The following NRG3 variants were observed in gnomAD, a reference collection of about 807,000 sequenced individuals.
The protein encoded by NRG3 is neuregulin 3.
A neutral mutation model predicts 66.9 loss-of-function variants in NRG3; 31 were observed. That is an observed-to-expected ratio of 0.46 (90% CI 0.35 to 0.63). The LOEUF (loss-of-function observed/expected upper bound fraction) is 0.63. NRG3 is among the 20% of genes least tolerant of loss of function. The pLI is 0.00. For missense variants in NRG3, 910 were observed against 878.9 expected (o/e 1.04, Z -0.45); for synonymous variants, 393 against 359.4 (o/e 1.09, Z -1.06).
chr10:82,481,772 G>A (rs1202409023), intron 2 of NRG3, among the ~76,000 whole-genome samples: 2 of 152,088 alleles, frequency 1.3e-5, no homozygotes, highest in African/African-American at 4.8e-5. Context: ...ATCACTTGAG[G>A]TCAGGAGTTC....
At chr10:81,968,710 C>G (rs2059819968) in intron 1 of NRG3, among the ~76,000 whole-genome samples, 1 of 152,170 alleles carries the variant, frequency 6.6e-6, no homozygotes, top group African/African-American at 2.4e-5. Flanking sequence ...ACTCTTACCT[C>G]AGGCCACAGA....
chr10:82,362,549 T>TTTTTTTTTTTG, intron 2 of NRG3, among the ~76,000 whole-genome samples: 1 of 11,986 alleles, frequency 8.3e-5, no homozygotes, highest in African/African-American at 3.0e-4. Context: ...AATTTCTGGG[T>TTTTTTTTTTTG]TTTTTTTTTT....
intron 4 of NRG3, among the ~76,000 whole-genome samples, chr10:82,916,188 A>G (rs1845814859): frequency 6.6e-6 from 1 of 152,186 alleles, no homozygotes; most frequent in Non-Finnish European, 1.5e-5. Flanking sequence ...ACACTGGTTT[A>G]CACCTGTGAT....
intron 1 of NRG3, among the ~76,000 whole-genome samples, chr10:82,156,769 GT>G (rs1205419182): frequency 6.6e-6 from 1 of 151,378 alleles, no homozygotes; most frequent in African/African-American, 2.4e-5. Context: ...ACTTTTATAG[GT>G]TTTTTTACAT....
At chr10:82,279,752 G>C (rs1564742976) in intron 1 of NRG3, among the ~76,000 whole-genome samples, 1 of 152,160 alleles carries the variant, frequency 6.6e-6, no homozygotes, top group Non-Finnish European at 1.5e-5. Context: ...GCCATGTGTT[G>C]ATGTGATTGA....
intron 2 of NRG3, among the ~76,000 whole-genome samples, chr10:82,512,991 C>T (rs1056546326): frequency 4.6e-5 from 7 of 152,166 alleles, no homozygotes; most frequent in African/African-American, 1.2e-4. Flanking sequence ...ATGTGCAGGA[C>T]GTGCAGGTTT....
intron 4 of NRG3, among the ~76,000 whole-genome samples, chr10:82,868,456 C>T (rs764816783): frequency 1.1e-4 from 16 of 151,806 alleles, no homozygotes; most frequent in Admixed American, 7.2e-4. Flanking sequence ...TTGACTCCAA[C>T]GGTAGAAATT....
chr10:82,125,722 A>G (rs1156557314), intron 1 of NRG3, among the ~76,000 whole-genome samples: 2 of 151,988 alleles, frequency 1.3e-5, no homozygotes. Flanking sequence ...GATCATACTC[A>G]TTATCTTCCC....
chr10:82,207,776 C>T (rs762458586), intron 1 of NRG3, among the ~76,000 whole-genome samples: 1 of 152,122 alleles, frequency 6.6e-6, no homozygotes, highest in Non-Finnish European at 1.5e-5. Flanking sequence ...GGAAGAGCCC[C>T]TTATAAAACC....
chr10:82,199,295 A>G (rs939500293), intron 1 of NRG3, among the ~76,000 whole-genome samples: 3 of 152,154 alleles, frequency 2.0e-5, no homozygotes, highest in African/African-American at 7.2e-5. Flanking sequence ...GTATAATTCC[A>G]AGTTTCTCAA....
At chr10:82,830,771 A>G (rs888791561) in intron 3 of NRG3, among the ~76,000 whole-genome samples, 1 of 152,140 alleles carries the variant, frequency 6.6e-6, no homozygotes, top group Non-Finnish European at 1.5e-5. Context: ...AAAAGAGATA[A>G]AGGAACCCAT....
At chr10:82,604,902 T>A (rs1479146666) in intron 2 of NRG3, among the ~76,000 whole-genome samples, 21 of 152,138 alleles carry the variant, frequency 1.4e-4, no homozygotes, top group Admixed American at 1.4e-3. Flanking sequence ...AAGAAAGCAA[T>A]TATCTTTCGT....
At chr10:82,794,249 C>G (rs1315501977) in intron 3 of NRG3, among the ~76,000 whole-genome samples, 3 of 152,048 alleles carry the variant, frequency 2.0e-5, no homozygotes, top group African/African-American at 7.2e-5. Flanking sequence ...TTCACAAATC[C>G]ATAATTAAAT....
chr10:81,939,191 T>G (rs1384734647), intron 1 of NRG3, among the ~76,000 whole-genome samples: 1 of 152,090 alleles, frequency 6.6e-6, no homozygotes, highest in Admixed American at 6.6e-5. Flanking sequence ...TTGAGGATTT[T>G]TGCATCAATA....
intron 1 of NRG3, among the ~76,000 whole-genome samples, chr10:82,135,881 T>C (rs1380684777): frequency 1.3e-5 from 2 of 152,152 alleles, no homozygotes; most frequent in African/African-American, 4.8e-5. Context: ...CTTTCCTGAA[T>C]GGTCTTGATG....
chr10:82,813,647 T>C (rs2061587375), intron 3 of NRG3, among the ~76,000 whole-genome samples: 1 of 152,226 alleles, frequency 6.6e-6, no homozygotes, highest in African/African-American at 2.4e-5. Flanking sequence ...ATTTGTATTA[T>C]CAACAATATG....
rs191321838 is a variant in NRG3 at position 82,945,172 on chromosome 10, T to A, written c.1055-6297T>A. Among the ~76,000 whole-genome samples, 177 of 152,236 alleles carry A rather than the reference T, an allele frequency of 1.2e-3. 3 individuals carry two copies. The highest frequency in any genetic ancestry group is 4.0e-3 in the African/African-American group (166 of 41,534). On this transcript the variant is annotated intron_variant, in intron 4 of 8. Transcript: ENST00000372141. ...TGCCATCAGCACCAAATGAAGCTAG[T>A]CTAGAATATAAAACCAGGCAGCATA... is the stretch of plus-strand genomic sequence containing the variant.
chr10:81,885,358 CAAT>C (rs1842533357), intron 1 of NRG3, among the ~76,000 whole-genome samples: 1 of 152,160 alleles, frequency 6.6e-6, no homozygotes, highest in Non-Finnish European at 1.5e-5. Context: ...TCTACCAAAT[CAAT>C]GATGGGAGTT....
In NRG3 at chr10:82,929,408, C is replaced by T. The variant is rs1358715666; in HGVS notation, c.1055-22061C>T. ...TTCAGAAAGCAAATTTTAAAACAAT[C>T]CCCAGGTATAAGATTTATCTTTCCG... On this transcript the variant is annotated intron_variant, in intron 4 of 8. Coordinates refer to ENST00000372141, the MANE Select transcript of NRG3 (RefSeq NM_001010848.4). Among the ~76,000 whole-genome samples, 5 of 152,128 alleles carry T rather than the reference C, an allele frequency of 3.3e-5. No homozygotes were observed. In the South Asian group the frequency reaches 6.2e-4, roughly 19 times the overall value.
Sources: gnomAD v4.1 joint callset for allele counts (sites outside exome capture counted in the v4.1 genomes callset) on GRCh38, gnomAD v4.1.1 for gene constraint, MANE v1.5 for transcripts, NCBI Gene and HGNC (gene_info 2026-07-23, HGNC 2026-07-21) for gene names.